MATCAP2: variants seen among roughly 807,000 people sequenced by gnomAD.
MATCAP2 encodes the protein putative tyrosine carboxypeptidase MATCAP2.
chr7:36,354,372 T>C, the MATCAP2 span, among the ~76,000 whole-genome samples: 1 of 152,246 alleles, frequency 6.6e-6, no homozygotes, highest in Non-Finnish European at 1.5e-5. Context: ...CGCGAAAGTC[T>C]AGCATCATTC....
chr7:36,342,906 G>A, the MATCAP2 span, among the ~76,000 whole-genome samples: 7 of 152,172 alleles, frequency 4.6e-5, no homozygotes, highest in Non-Finnish European at 7.4e-5. Context: ...AATTATAGGC[G>A]TGAGCCACTG....
the MATCAP2 span, chr7:36,356,793 C>G: frequency 1.0e-6 from 1 of 960,212 alleles, no homozygotes; most frequent in Non-Finnish European, 1.6e-6. Flanking sequence ...TTAACCATAA[C>G]ATAGAAATAA....
chr7:36,359,675 C>T, the MATCAP2 span, among the ~76,000 whole-genome samples: 1 of 152,154 alleles, frequency 6.6e-6, no homozygotes, highest in South Asian at 2.1e-4. Context: ...ATGTTAAAGA[C>T]TCAACAAGAC....
chr7:36,379,841 C>CAGAG, the MATCAP2 span, among the ~76,000 whole-genome samples: 50 of 127,580 alleles, frequency 3.9e-4, no homozygotes, highest in East Asian at 1.1e-3. Context: ...CACACACACA[C>CAGAG]ACACACAGAG....
the MATCAP2 span, chr7:36,334,101 C>T: frequency 3.7e-6 from 6 of 1,613,956 alleles, no homozygotes; most frequent in South Asian, 1.1e-5. Context: ...ATGTTTTTTA[C>T]GTCCAGTCCA....
At chr7:36,335,084 C>T in the MATCAP2 span, 5 of 1,613,806 alleles carry the variant, frequency 3.1e-6, no homozygotes, top group Admixed American at 1.7e-5. Context: ...CCAATGCTCA[C>T]GTGCAGTGGA....
chr7:36,333,109 C>T, the MATCAP2 span, among the ~76,000 whole-genome samples: 863 of 152,254 alleles, frequency 5.7e-3, 13 homozygotes, highest in African/African-American at 0.019. Flanking sequence ...TCCTGCCTGC[C>T]GGCTCTGAAG....
At chr7:36,352,137 T>C in the MATCAP2 span, among the ~76,000 whole-genome samples, 15 of 152,078 alleles carry the variant, frequency 9.9e-5, no homozygotes, top group Admixed American at 9.2e-4. Flanking sequence ...GGCTCATGCC[T>C]ATAATCCCAG....
chr7:36,365,257 T>G, the MATCAP2 span, among the ~76,000 whole-genome samples: 1 of 152,182 alleles, frequency 6.6e-6, no homozygotes, highest in African/African-American at 2.4e-5. Context: ...TGTGACAGAA[T>G]CTATATTTTT....
At chr7:36,376,302 A>G in the MATCAP2 span, among the ~76,000 whole-genome samples, 2 of 152,130 alleles carry the variant, frequency 1.3e-5, no homozygotes, top group Non-Finnish European at 2.9e-5. Context: ...CTTTGTTCTC[A>G]CTGGTTTCAA....
chr7:36,376,303 C>T, the MATCAP2 span, among the ~76,000 whole-genome samples: 3 of 152,122 alleles, frequency 2.0e-5, no homozygotes, highest in Non-Finnish European at 2.9e-5. Flanking sequence ...TTTGTTCTCA[C>T]TGGTTTCAAA....
the MATCAP2 span, among the ~76,000 whole-genome samples, chr7:36,359,111 G>C: frequency 1.3e-5 from 2 of 152,154 alleles, no homozygotes; most frequent in Non-Finnish European, 2.9e-5. Context: ...GTAGTTCTGG[G>C]ACCATTCAAA....
At chr7:36,366,030 G>A in the MATCAP2 span, among the ~76,000 whole-genome samples, 1 of 152,190 alleles carries the variant, frequency 6.6e-6, no homozygotes, top group African/African-American at 2.4e-5. Flanking sequence ...ACTGGAAAGA[G>A]GTTTGGTTTT....
the MATCAP2 span, chr7:36,357,285 C>T: frequency 6.2e-7 from 1 of 1,614,178 alleles, no homozygotes; most frequent in East Asian, 2.2e-5. Context: ...TACCAAGTAC[C>T]ACTGCTTGTC....
chr7:36,352,715 C>A, the MATCAP2 span, among the ~76,000 whole-genome samples: 4 of 151,578 alleles, frequency 2.6e-5, no homozygotes, highest in Admixed American at 1.3e-4. Context: ...GCCCATAATC[C>A]CAGCTACTCA....
At chr7:36,370,761 G>A in the MATCAP2 span, among the ~76,000 whole-genome samples, 6 of 152,326 alleles carry the variant, frequency 3.9e-5, no homozygotes, top group Admixed American at 6.5e-5. Context: ...GATTATAGGC[G>A]TGAGCCACCA....
At chr7:36,366,986 A>C in the MATCAP2 span, 1 of 1,330,810 alleles carries the variant, frequency 7.5e-7, no homozygotes, top group Non-Finnish European at 9.5e-7. Context: ...GCTCAGGGGA[A>C]AGGGCCGCGC....
At chr7:36,379,309 CAA>C in the MATCAP2 span, among the ~76,000 whole-genome samples, 45 of 152,286 alleles carry the variant, frequency 3.0e-4, no homozygotes, top group African/African-American at 1.1e-3. Context: ...CGAAGGCAGA[CAA>C]GAGCATTCTG....
the MATCAP2 span, among the ~76,000 whole-genome samples, chr7:36,333,146 C>T: frequency 6.6e-6 from 1 of 152,188 alleles, no homozygotes; most frequent in Non-Finnish European, 1.5e-5. Context: ...CAGCACAGTG[C>T]TCGAGCTTTG....
Sources: gnomAD v4.1 joint callset for allele counts (sites outside exome capture counted in the v4.1 genomes callset) on GRCh38, gnomAD v4.1.1 for gene constraint, MANE v1.5 for transcripts, NCBI Gene and HGNC (gene_info 2026-07-23, HGNC 2026-07-21) for gene names.